Variants in AKAP9 observed in about 807,000 individuals in gnomAD.
AKAP9 encodes the protein A-kinase anchor protein 9.
Under a neutral mutation model 488.5 loss-of-function variants are expected in AKAP9, and 311 were observed. That is an observed-to-expected ratio of 0.64 (90% CI 0.58 to 0.70). The LOEUF (loss-of-function observed/expected upper bound fraction) is 0.70. Ranked by LOEUF, AKAP9 falls within the 30% of genes least tolerant of loss-of-function variation. The pLI is 0.00. For missense variants in AKAP9, 4,215 were observed against 4,374.5 expected (o/e 0.96, Z 1.03); for synonymous variants, 1,462 against 1,483.5 (o/e 0.99, Z 0.33).
At chr7:91,969,742 G>A (rs1234440428) in intron 1 of AKAP9, among the ~76,000 whole-genome samples, 1 of 151,944 alleles carries the variant, frequency 6.6e-6, no homozygotes, top group Non-Finnish European at 1.5e-5. Context: ...CTTTTTTGGT[G>A]TCCAGTTGCA....
chr7:92,000,085 A>T (rs150871513), intron 7 of AKAP9, among the ~76,000 whole-genome samples: 1 of 152,344 alleles, frequency 6.6e-6, no homozygotes, highest in African/African-American at 2.4e-5. Context: ...ATGCTGAAGT[A>T]ATCACCATAA....
Position 92,089,461 on chromosome 7 carries a change from T to A in AKAP9, c.9290T>A (p.Leu3097Gln). ...RRSLLSEIQA[L>Q]HAQMNGRKIT... is the part of the protein sequence containing the mutation. ...AGTTTGTTATCTGAAATTCAGGCAC[T>A]GCATGCACAAATGAATGGTAGGAAA... Residue 3097 changes from leucine (L) to glutamine (Q), a missense_variant, in exon 38 of 50, where the codon CTG becomes CAG. By Grantham distance (113) the Leu-to-Gln change is moderately radical. Transcript: ENST00000356239. 1 of 1,613,106 alleles carries A rather than the reference T, an allele frequency of 6.2e-7. No individual in the cohort carries two copies. Among genetic ancestry groups the A allele is most frequent in the East Asian group, 2.2e-5 (1 of 44,780 alleles).
chr7:92,015,839 G>A, intron 10 of AKAP9, among the ~76,000 whole-genome samples: 1 of 152,092 alleles, frequency 6.6e-6, no homozygotes. Context: ...TCCAAGCTAG[G>A]AAGTGGTTGA....
intron 3 of AKAP9, among the ~76,000 whole-genome samples, chr7:91,988,270 C>T (rs971276795): frequency 7.2e-6 from 1 of 139,672 alleles, no homozygotes; most frequent in Admixed American, 7.7e-5. Flanking sequence ...GGCACTCCAG[C>T]CTTGGTGACA....
At chr7:91,980,201 CAT>C in intron 2 of AKAP9, 86 bp from the exon 3 acceptor site, 4 of 731,260 alleles carry the variant, frequency 5.5e-6, no homozygotes, top group Non-Finnish European at 4.6e-6. Flanking sequence ...ACTTTTCTAT[CAT>C]ATGTTACCAA....
chr7:92,085,377 G>T, intron 35 of AKAP9, 118 bp from the exon 36 acceptor site: 1 of 966,662 alleles, frequency 1.0e-6, no homozygotes. Flanking sequence ...CAGTAATGTT[G>T]GGCTGGAGTT....
In AKAP9 at chr7:92,001,315, G is replaced by A. The variant is rs371085808; in HGVS notation, c.1398G>A (p.Arg466=). The stretch of plus-strand genomic sequence containing the variant: ...CACAGATGGAGGAAATGAAAACACG[G>A]CATAAGGGAGAAATGGAGAATGCTT... ...HMAQMEEMKT[R]HKGEMENALR... Residue 466 remains arginine, a synonymous_variant, in exon 8 of 50, where the codon CGG becomes CGA. Transcript: ENST00000356239. The A allele has an allele frequency of 1.1e-4, 176 of 1,613,722 alleles. No individual in the cohort carries two copies. The highest frequency in any genetic ancestry group is 1.4e-4 in the Non-Finnish European group (165 of 1,179,854).
intron 3 of AKAP9, among the ~76,000 whole-genome samples, chr7:91,984,576 T>C (rs1441967470): frequency 2.6e-5 from 4 of 152,216 alleles, no homozygotes; most frequent in Admixed American, 6.5e-5. Context: ...TGCCCCCAGC[T>C]TTGTTCCTTT....
chr7:92,028,836 A>C (rs908936995), intron 14 of AKAP9, among the ~76,000 whole-genome samples: 2 of 152,218 alleles, frequency 1.3e-5, no homozygotes, highest in Non-Finnish European at 2.9e-5. Context: ...CATCCATGGA[A>C]GTGTGCCAAG....
At chr7:92,108,451 T>G (rs763976170) in intron 48 of AKAP9, 43 bp from the exon 49 acceptor site, 1 of 1,610,260 alleles carries the variant, frequency 6.2e-7, no homozygotes, top group Admixed American at 1.7e-5. Context: ...TATATGCATA[T>G]TTCTGGATAA....
Position 91,949,028 on chromosome 7 carries a change from G to A in AKAP9, c.48+7881G>A, listed in dbSNP as rs545791699. Among the ~76,000 whole-genome samples the A allele has an allele frequency of 3.3e-5, 5 of 152,334 alleles. 1 individual carries two copies. The highest frequency in any genetic ancestry group is 1.2e-4 in the African/African-American group (5 of 41,572). On this transcript the variant is annotated intron_variant, in intron 1 of 49. Coordinates refer to ENST00000356239, the MANE Select transcript of AKAP9 (RefSeq NM_005751.5). Reference sequence around the variant, plus strand: ...GGCCTCCCAAAGTGCTGGGATTACAGGCCTGAGCCACTGCGCCTAGCCCAT... The same window carrying A: ...GGCCTCCCAAAGTGCTGGGATTACAAGCCTGAGCCACTGCGCCTAGCCCAT...
chr7:91,995,841 T>C, intron 7 of AKAP9, 41 bp downstream of exon 7: 2 of 1,491,602 alleles, frequency 1.3e-6, no homozygotes, highest in Non-Finnish European at 1.8e-6. Context: ...TGTAGAAGCT[T>C]TAGAGTTTCA....
Position 92,038,673 on chromosome 7 carries a change from A to G in AKAP9, c.4593A>G (p.Ser1531=). ...LGEHGKEILL[S]NSDPHDIPES... Reference sequence around the variant, plus strand: ...AACATGGAAAGGAAATTTTATTATCAAATAGTGATCCCCATGATATACCAG... The same window carrying G: ...AACATGGAAAGGAAATTTTATTATCGAATAGTGATCCCCATGATATACCAG... Residue 1531 remains serine, a synonymous_variant, in exon 17 of 50, where the codon TCA becomes TCG. Coordinates refer to ENST00000356239, the MANE Select transcript of AKAP9 (RefSeq NM_005751.5). The G allele has an allele frequency of 1.2e-6, 2 of 1,610,366 alleles. No homozygotes were observed. The highest frequency in any genetic ancestry group is 1.7e-6 in the Non-Finnish European group (2 of 1,178,396).
chr7:92,061,640 T>C (rs999187160), intron 23 of AKAP9, among the ~76,000 whole-genome samples: 32 of 132,560 alleles, frequency 2.4e-4, no homozygotes, highest in African/African-American at 8.4e-4. Flanking sequence ...AAAGAATTTA[T>C]AGAGTTACAG....
intron 1 of AKAP9, among the ~76,000 whole-genome samples, chr7:91,954,021 G>A (rs983896312): frequency 1.3e-5 from 2 of 152,126 alleles, no homozygotes; most frequent in African/African-American, 2.4e-5. Context: ...CTCGTTAAGC[G>A]AAGGAGAGAA....
In AKAP9 at chr7:92,079,686, G is replaced by A; in HGVS notation, c.7553G>A (p.Cys2518Tyr). Residue 2518 changes from cysteine (C) to tyrosine (Y), a missense_variant, in exon 31 of 50, where the codon TGT becomes TAT. Cys to Tyr is a radical substitution (Grantham distance 194, BLOSUM62 -2). Coordinates refer to ENST00000356239, the MANE Select transcript of AKAP9 (RefSeq NM_005751.5). ...VSAKDLELTQ[C>Y]YKQIKDMQEQ... Reference sequence around the variant, plus strand: ...GCAAAGGACTTAGAACTTACCCAGTGTTATAAACAAATAAAAGACATGCAA... The same window carrying A: ...GCAAAGGACTTAGAACTTACCCAGTATTATAAACAAATAAAAGACATGCAA... 1 of 1,614,066 alleles carries A rather than the reference G, an allele frequency of 6.2e-7. No individual in the cohort carries two copies. Among genetic ancestry groups the A allele is most frequent in the South Asian group, 1.1e-5 (1 of 91,084 alleles).
At chr7:92,096,115 A>G (rs895365728) in intron 40 of AKAP9, among the ~76,000 whole-genome samples, 4 of 152,170 alleles carry the variant, frequency 2.6e-5, no homozygotes, top group South Asian at 2.1e-4. Context: ...AAAGGTTGTT[A>G]TTCTTATAAG....
intron 24 of AKAP9, 121 bp from the exon 25 acceptor site, chr7:92,065,110 T>G: frequency 1.8e-6 from 1 of 563,828 alleles, no homozygotes; most frequent in Non-Finnish European, 3.1e-6. Flanking sequence ...TACTTTCATG[T>G]GTATTTAAAA....
chr7:92,022,023 C>G (rs1802392570), intron 12 of AKAP9, among the ~76,000 whole-genome samples: 1 of 152,106 alleles, frequency 6.6e-6, no homozygotes, highest in Non-Finnish European at 1.5e-5. Flanking sequence ...AAGAACATTA[C>G]TAATATAATT....
Sources: gnomAD v4.1 joint callset for allele counts (sites outside exome capture counted in the v4.1 genomes callset) on GRCh38, gnomAD v4.1.1 for gene constraint, MANE v1.5 for transcripts, NCBI Gene and HGNC (gene_info 2026-07-23, HGNC 2026-07-21) for gene names.